The following WNT6 variants were observed in gnomAD, a reference collection of about 807,000 sequenced individuals.
The protein encoded by WNT6 is protein Wnt-6.
WNT6 carries 27 observed loss-of-function variants against 33.1 expected under a neutral mutation model. The observed-to-expected ratio is 0.82, with a 90% CI of 0.60 to 1.12. WNT6 has a LOEUF of 1.12. WNT6 is among the 50% of genes most tolerant of loss of function. WNT6 has a pLI of 0.00. For missense variants in WNT6, 494 were observed against 535.3 expected (o/e 0.92, Z 0.76); for synonymous variants, 249 against 242.8 (o/e 1.03, Z -0.24).
chr2:218,862,938 C>T (rs562033906), intron 1 of WNT6, among the ~76,000 whole-genome samples: 1 of 152,306 alleles, frequency 6.6e-6, no homozygotes, highest in African/African-American at 2.4e-5. Context: ...CTCCTGACCT[C>T]AAGCAATCTG....
Position 218,871,639 on chromosome 2 carries a change from C to T in WNT6, c.456C>T (p.Pro152=). The change falls in exon 3 of 4, where the codon CCC becomes CCT. Residue 152 remains proline, a synonymous_variant. Transcript: ENST00000233948. The surrounding 1 kb of genome is among the most constrained non-coding windows in gnomAD (Gnocchi z 6.4). ...GGCCCTCCGGCCTGCCCGGCACCCCCGGACCCCCTGGCCCCGCGGGCTCCC... is the reference window on the plus strand; with the variant it reads ...GGCCCTCCGGCCTGCCCGGCACCCCTGGACCCCCTGGCCCCGCGGGCTCCC... ...PPRPSGLPGT[P]GPPGPAGSPE... is the part of the protein sequence containing the mutation. 1 of 1,484,682 alleles carries T rather than the reference C, an allele frequency of 6.7e-7. No individual in the cohort carries two copies. Among genetic ancestry groups the T allele is most frequent in the Non-Finnish European group, 8.9e-7 (1 of 1,121,950 alleles). 92.0% of individuals were successfully genotyped at this position (1,484,682 alleles called of 1,614,324 possible).
Position 218,871,929 on chromosome 2 carries a change from T to A in WNT6, c.636+110T>A. ...GAGGGTGTGTAGGTGGAGGGGGGCG[T>A]TAATGTGTGGGGGAGTGCGCACGGG... On this transcript the variant is annotated intron_variant, in intron 3 of 3. Transcript: ENST00000233948. This position sits in a 1 kb window ranked among gnomAD's most constrained non-coding sequence, Gnocchi z 6.4. 7 of 299,772 alleles carry A rather than the reference T, an allele frequency of 2.3e-5. No homozygotes were observed. The highest frequency in any genetic ancestry group is 3.7e-5 in the Non-Finnish European group (7 of 188,572). The allele number at this position is 299,772 out of a possible 1,614,324, so 18.6% of individuals were successfully genotyped here.
At chr2:218,868,877 T>C (rs1944375641) in intron 1 of WNT6, among the ~76,000 whole-genome samples, 2 of 152,148 alleles carry the variant, frequency 1.3e-5, no homozygotes, top group African/African-American at 4.8e-5. Context: ...GTCTTAATGC[T>C]CAAGAAGCTC....
chr2:218,862,595 C>G (rs1277557771), intron 1 of WNT6, among the ~76,000 whole-genome samples: 2 of 152,218 alleles, frequency 1.3e-5, no homozygotes, highest in Non-Finnish European at 2.9e-5. Flanking sequence ...GTTGGTCAGG[C>G]TGGTCTCAAA....
chr2:218,860,015 CG>C lies in WNT6; in HGVS notation c.-20del. On this transcript the variant is annotated 5_prime_UTR_variant, in exon 1 of 4. Coordinates refer to ENST00000233948, the MANE Select transcript of WNT6 (RefSeq NM_006522.4). ...CCCGCAGCCTCGCCCCCTGCCCACC[CG>C]GGCGGCCGTAGGGCGGTCACGATGC... The C allele has an allele frequency of 7.0e-7, 1 of 1,430,682 alleles. No homozygotes were observed. Among genetic ancestry groups the C allele is most frequent in the East Asian group, 3.1e-5 (1 of 32,662 alleles). 88.6% of individuals were successfully genotyped at this position (1,430,682 alleles called of 1,614,324 possible).
chr2:218,865,620 C>T (rs1944348072), intron 1 of WNT6, among the ~76,000 whole-genome samples: 1 of 152,206 alleles, frequency 6.6e-6, no homozygotes, highest in Non-Finnish European at 1.5e-5. Flanking sequence ...ACCTCTGGCT[C>T]AGTGCCTCAT....
Position 218,871,437 on chromosome 2 carries a change from C to A in WNT6, c.302-48C>A, listed in dbSNP as rs1944399386. 6.3e-7 allele frequency: 1 copy of A among 1,581,152 alleles called. No individual in the cohort carries two copies. Among genetic ancestry groups the A allele is most frequent in the African/African-American group, 1.3e-5 (1 of 74,548 alleles). ...GCCGCAGGTTTCAGGTCCCAGGCCC[C>A]AGCTGACCGCCCCAGCCCGCGCTGA... On this transcript the variant is annotated intron_variant, in intron 2 of 3. Transcript: ENST00000233948. The surrounding 1 kb of genome is among the most constrained non-coding windows in gnomAD (Gnocchi z 6.4).
chr2:218,868,032 C>T (rs1341267415), intron 1 of WNT6, among the ~76,000 whole-genome samples: 1 of 152,006 alleles, frequency 6.6e-6, no homozygotes, highest in East Asian at 1.9e-4. Context: ...GTTTCATTTC[C>T]TATGTATTTA....
At position 218,871,578 on chromosome 2, in the gene WNT6, G is replaced by A; in HGVS notation, c.395G>A (p.Cys132Tyr). ...TGTTCTATGGGCGAGCTGCTGCAGTGCGGCTGCCAGGCGCCCCGCGGGCGG... is the reference window on the plus strand; with the variant it reads ...TGTTCTATGGGCGAGCTGCTGCAGTACGGCTGCCAGGCGCCCCGCGGGCGG... Reference protein sequence around the residue: ...QACSMGELLQCGCQAPRGRAP... With the variant: ...QACSMGELLQYGCQAPRGRAP... Residue 132 changes from cysteine to tyrosine, a missense_variant, in exon 3 of 4, where the codon TGC (cysteine) becomes TAC (tyrosine). By Grantham distance (194) the Cys-to-Tyr change is radical (BLOSUM62 -2). Transcript: ENST00000233948. This position sits in a 1 kb window ranked among gnomAD's most constrained non-coding sequence, Gnocchi z 6.4. 5.8e-6 allele frequency: 9 copies of A among 1,546,296 alleles called. No individual in the cohort carries two copies. The highest frequency in any genetic ancestry group is 7.8e-6 in the Non-Finnish European group (9 of 1,156,572).
At position 218,873,675 on chromosome 2, in the gene WNT6, T is replaced by C; in HGVS notation, c.928T>C (p.Cys310Arg). The C allele has an allele frequency of 6.3e-7, 1 of 1,582,206 alleles. No homozygotes were observed. The highest frequency in any genetic ancestry group is 8.5e-7 in the Non-Finnish European group (1 of 1,171,474). The part of the protein sequence containing the change: ...TGSPGTRGRA[C>R]NSSAPDLSGC... ...CTCCCCCGGCACGCGCGGTCGCGCC[T>C]GCAATAGCAGCGCCCCGGACCTCAG... Residue 310 changes from cysteine (C) to arginine (R), a missense_variant, in exon 4 of 4, where the codon TGC becomes CGC. Transcript: ENST00000233948. This position sits in a 1 kb window ranked among gnomAD's most constrained non-coding sequence, Gnocchi z 6.1.
chr2:218,865,343 C>T (rs776346408), intron 1 of WNT6, among the ~76,000 whole-genome samples: 8 of 152,198 alleles, frequency 5.3e-5, no homozygotes, highest in African/African-American at 1.7e-4. Context: ...GGCACTCCCT[C>T]GGGTGCTTCT....
At chr2:218,863,270 T>C (rs1452594590) in intron 1 of WNT6, among the ~76,000 whole-genome samples, 1 of 152,208 alleles carries the variant, frequency 6.6e-6, no homozygotes, top group Non-Finnish European at 1.5e-5. Flanking sequence ...TTCCCTGGCC[T>C]TCTTCTCCCT....
Position 218,867,909 on chromosome 2 carries a change from A to G in WNT6, c.81-3118A>G, listed in dbSNP as rs1944366049. Among the ~76,000 whole-genome samples, 1 of 152,220 alleles carries G rather than the reference A, an allele frequency of 6.6e-6. No individual in the cohort carries two copies. Among genetic ancestry groups the G allele is most frequent in the African/African-American group, 2.4e-5 (1 of 41,458 alleles). ...ACTCCTCAGTTTTTCTGAAGCCCACAAAGGGGAATGACTTGATCAGAGTGG... is the reference window on the plus strand; with the variant it reads ...ACTCCTCAGTTTTTCTGAAGCCCACGAAGGGGAATGACTTGATCAGAGTGG... On this transcript the variant is annotated intron_variant, in intron 1 of 3. Transcript: ENST00000233948. This position sits in a 1 kb window ranked among gnomAD's most constrained non-coding sequence, Gnocchi z 4.9.
chr2:218,872,772 G>T (rs560012985), intron 3 of WNT6, among the ~76,000 whole-genome samples: 2 of 152,252 alleles, frequency 1.3e-5, no homozygotes, highest in East Asian at 3.9e-4. Flanking sequence ...GGGCCCTCCT[G>T]CACCCCATGC....
intron 1 of WNT6, among the ~76,000 whole-genome samples, chr2:218,863,201 C>T (rs1054921709): frequency 6.6e-6 from 1 of 152,196 alleles, no homozygotes; most frequent in African/African-American, 2.4e-5. Flanking sequence ...AGTCTCACTT[C>T]AGCTGGCAGC....
Position 218,867,099 on chromosome 2 carries a change from CAG to C in WNT6, c.81-3925_81-3924del, listed in dbSNP as rs1296277813. On this transcript the variant is annotated intron_variant, in intron 1 of 3. Transcript: ENST00000233948. The surrounding 1 kb of genome is among the most constrained non-coding windows in gnomAD (Gnocchi z 4.9). ...TTAGCGATGTTATCTGGAATAGATT[CAG>C]AGTTAATCAACCTTGCTAGGGGTAC... 3.9e-5 allele frequency among the ~76,000 whole-genome samples: 6 copies of C among 152,122 alleles called. No individual in the cohort carries two copies.
rs1944362402 is a variant in WNT6, at chr2:218,867,430, A to G, written c.81-3597A>G. On this transcript the variant is annotated intron_variant, in intron 1 of 3. Transcript: ENST00000233948. This position sits in a 1 kb window ranked among gnomAD's most constrained non-coding sequence, Gnocchi z 4.9. ...GGGCTTAGGTCTACACATATTGCCA[A>G]TAGGGACTGGCTGGCCCCTGATACC... Among the ~76,000 whole-genome samples, 1 of 152,200 alleles carries G rather than the reference A, an allele frequency of 6.6e-6. No individual in the cohort carries two copies. The highest frequency in any genetic ancestry group is 2.1e-4 in the South Asian group (1 of 4,830).
chr2:218,864,485 T>C (rs1944336923), intron 1 of WNT6, among the ~76,000 whole-genome samples: 1 of 152,184 alleles, frequency 6.6e-6, no homozygotes, highest in African/African-American at 2.4e-5. Flanking sequence ...CAGGCTGATC[T>C]CGAACTCCTG....
At position 218,871,099 on chromosome 2, in the gene WNT6, G is replaced by T. The variant is rs1174212096; in HGVS notation, c.153G>T (p.Gln51His). The T allele has an allele frequency of 6.2e-7, 1 of 1,613,524 alleles. No individual in the cohort carries two copies. Among genetic ancestry groups the T allele is most frequent in the Admixed American group, 1.7e-5 (1 of 60,012 alleles). Residue 51 changes from glutamine to histidine, a missense_variant, in exon 2 of 4, where the codon CAG (glutamine) becomes CAT (histidine). By Grantham distance (24) the Gln-to-His change is conservative. Coordinates refer to ENST00000233948, the MANE Select transcript of WNT6 (RefSeq NM_006522.4). The surrounding 1 kb of genome is among the most constrained non-coding windows in gnomAD (Gnocchi z 6.4). ...AGGCACGGCGGCTGGCCGGGCGGCA[G>T]GCCGAGTTGTGCCAGGCTGAGCCGG... ...CRKARRLAGR[Q>H]AELCQAEPEV...
Sources: gnomAD v4.1 joint callset for allele counts (sites outside exome capture counted in the v4.1 genomes callset) on GRCh38, gnomAD v4.1.1 for gene constraint, Gnocchi (gnomAD v3.1) non-coding constraint, MANE v1.5 for transcripts, NCBI Gene and HGNC (gene_info 2026-07-23, HGNC 2026-07-21) for gene names.